Variants in CABIN1 observed in about 807,000 individuals in gnomAD.
The protein encoded by CABIN1 is calcineurin binding protein 1, also known as calcineurin-binding protein cabin-1.
A neutral mutation model predicts 227.7 loss-of-function variants in CABIN1; 133 were observed. That is an observed-to-expected ratio of 0.58 (90% confidence interval 0.51 to 0.67). The LOEUF (loss-of-function observed/expected upper bound fraction) is 0.67. CABIN1 is among the 30% of genes least tolerant of loss of function. The probability of loss-of-function intolerance (pLI) is 0.00; values close to 1 mark genes in which losing one functional copy is unlikely to be tolerated. For missense variants in CABIN1, 2,408 were observed against 2,852.5 expected, an observed-to-expected ratio of 0.84 and a Z score of 3.55; for synonymous variants, 1,086 against 1,155.1, an observed-to-expected ratio of 0.94 and a Z score of 1.21.
At chr22:24,118,132 T>C (rs2043190658) in intron 27 of CABIN1, among the ~76,000 whole-genome samples, 1 of 152,062 alleles carries the variant, frequency 6.6e-6, no homozygotes, top group Non-Finnish European at 1.5e-5. Context: ...ATGGCTTTTC[T>C]TTGCCAACAC....
chr22:24,170,753 C>CT (rs1556005486), intron 33 of CABIN1, among the ~76,000 whole-genome samples: 3 of 83,518 alleles, frequency 3.6e-5, no homozygotes, highest in African/African-American at 1.3e-4. Flanking sequence ...TAGCAAACTG[C>CT]CCCCCCCCCC....
Position 24,116,497 on chromosome 22 carries a change from G to A in CABIN1, c.4300+2749G>A, listed in dbSNP as rs78042201. ...GTCGGTGGGGGGAGGCCACCCTGGG[G>A]GCAGTTGACCTGCCAATGCCCAGCT... On this transcript the variant is annotated intron_variant, in intron 27 of 36. Coordinates refer to ENST00000263119, the MANE Select transcript of CABIN1 (RefSeq NM_012295.4). Among the ~76,000 whole-genome samples the A allele has an allele frequency of 9.9e-3, 1,508 of 152,298 alleles. 21 individuals are homozygous for A. Among genetic ancestry groups the A allele is most frequent in the Middle Eastern group, 0.024 (7 of 294 alleles).
Position 24,070,795 on chromosome 22 carries a change from AC to A in CABIN1, c.2233-4del, listed in dbSNP as rs775909720. On this transcript the variant is annotated splice_region_variant and splice_polypyrimidine_tract_variant and intron_variant, in intron 16 of 36. Transcript: ENST00000263119. ...TGCACTTCACCTGGCTTCTTGCTGT[AC>A]TAGGACTCCTTGCTCCGGCTGAAGG... The A allele has an allele frequency of 8.7e-6, 14 of 1,614,004 alleles. No individual in the cohort carries two copies. Among genetic ancestry groups the A allele is most frequent in the Non-Finnish European group, 1.0e-5 (12 of 1,180,018 alleles).
At chr22:24,124,522 C>G (rs2043601764) in intron 28 of CABIN1, among the ~76,000 whole-genome samples, 1 of 152,226 alleles carries the variant, frequency 6.6e-6, no homozygotes, top group Admixed American at 6.5e-5. Context: ...ACTGTGCACA[C>G]CTTAGATGGG....
At chr22:24,047,144 A>G (rs2037951118) in intron 6 of CABIN1, among the ~76,000 whole-genome samples, 1 of 152,246 alleles carries the variant, frequency 6.6e-6, no homozygotes, top group Admixed American at 6.5e-5. Flanking sequence ...CCAGTCAAAT[A>G]GACACATACA....
intron 1 of CABIN1, among the ~76,000 whole-genome samples, chr22:24,024,685 C>T (rs560717676): frequency 6.6e-6 from 1 of 152,208 alleles, no homozygotes; most frequent in South Asian, 2.1e-4. Context: ...CCCATATGTC[C>T]GTATGTCTCT....
At chr22:24,131,980 C>A (rs2044102347) in intron 28 of CABIN1, among the ~76,000 whole-genome samples, 1 of 151,578 alleles carries the variant, frequency 6.6e-6, no homozygotes, top group African/African-American at 2.4e-5. Flanking sequence ...GCAGGAGAAT[C>A]ACTTGAATCA....
chr22:24,048,466 G>A (rs2038067679), intron 6 of CABIN1, among the ~76,000 whole-genome samples: 1 of 152,250 alleles, frequency 6.6e-6, no homozygotes, highest in Middle Eastern at 3.4e-3. Context: ...TATTGCCCAG[G>A]CTAGAGTACG....
intron 35 of CABIN1, among the ~76,000 whole-genome samples, chr22:24,176,564 C>A (rs1344786137): frequency 2.0e-5 from 3 of 152,134 alleles, no homozygotes; most frequent in Non-Finnish European, 4.4e-5. Flanking sequence ...GGGCAGGCGG[C>A]CTGCTTGGGC....
chr22:24,028,487 CAAAG>C (rs1387650197), intron 1 of CABIN1, among the ~76,000 whole-genome samples: 1 of 152,214 alleles, frequency 6.6e-6, no homozygotes, highest in African/African-American at 2.4e-5. Flanking sequence ...CCCTGTCCTT[CAAAG>C]GTCATCCTGT....
intron 28 of CABIN1, among the ~76,000 whole-genome samples, chr22:24,127,070 T>C (rs999985688): frequency 1.8e-4 from 27 of 151,184 alleles, no homozygotes; most frequent in African/African-American, 3.2e-4. Flanking sequence ...ACAGGCTCCA[T>C]GTGGCCTGAG....
chr22:24,094,222 G>T (rs1199601331), intron 24 of CABIN1, among the ~76,000 whole-genome samples: 1 of 152,204 alleles, frequency 6.6e-6, no homozygotes, highest in Non-Finnish European at 1.5e-5. Flanking sequence ...CTGAACCTAC[G>T]TGTGGCCCTC....
intron 26 of CABIN1, among the ~76,000 whole-genome samples, chr22:24,100,237 G>T (rs1223172092): frequency 6.6e-6 from 1 of 152,216 alleles, no homozygotes; most frequent in Non-Finnish European, 1.5e-5. Context: ...CCCTGCACTG[G>T]CCACCTGTGT....
At position 24,177,019 on chromosome 22, in the gene CABIN1, C is replaced by T. The variant is rs771864601; in HGVS notation, c.6206-485C>T. Among the ~76,000 whole-genome samples the T allele has an allele frequency of 6.6e-6, 1 of 152,246 alleles. No individual in the cohort carries two copies. Among genetic ancestry groups the T allele is most frequent in the East Asian group, 1.9e-4 (1 of 5,200 alleles). On this transcript the variant is annotated intron_variant, in intron 35 of 36. Coordinates refer to ENST00000263119, the MANE Select transcript of CABIN1 (RefSeq NM_012295.4). The surrounding 1 kb of genome is among the most constrained non-coding windows in gnomAD (Gnocchi z 4.4). ...CTGCAACTGGCCCAGCCTTCAGGCT[C>T]TGGGCAAACTCAGCCCCTTGCTCCC...
chr22:24,144,087 G>C (rs1323769835), intron 29 of CABIN1, among the ~76,000 whole-genome samples: 1 of 152,210 alleles, frequency 6.6e-6, no homozygotes, highest in Non-Finnish European at 1.5e-5. Flanking sequence ...GTGTCCCTTT[G>C]AACAAGGTGC....
At chr22:24,070,065 CA>C (rs66725021) in intron 16 of CABIN1, among the ~76,000 whole-genome samples, 1,814 of 115,022 alleles carry the variant, frequency 0.016, 13 homozygotes, top group Non-Finnish European at 0.019. Flanking sequence ...TATTCTAGGC[CA>C]AAAAAAAAAA....
rs149769745 is a variant in CABIN1, at chr22:24,134,317, C to T, written c.4648C>T (p.Arg1550Cys). The change falls in exon 29 of 37, where the codon CGC (arginine) becomes TGC (cysteine). Residue 1550 changes from arginine to cysteine, a missense_variant. By Grantham distance (180) the Arg-to-Cys change is radical. Transcript: ENST00000263119. ...GTTTCCCCAGAACCTCCAGTGGGCC[C>T]GCGACGTGTTGCTAGGCAGCAGTAT... ...SKTHRNLQWA[R>C]DVLLGSSIPW... 7.4e-6 allele frequency: 12 copies of T among 1,613,854 alleles called. No individual in the cohort carries two copies. The highest frequency in any genetic ancestry group is 6.6e-5 in the South Asian group (6 of 91,036).
chr22:24,121,643 G>A lies in CABIN1; in HGVS notation c.4632+1945G>A, dbSNP rs143355970. On this transcript the variant is annotated intron_variant, in intron 28 of 36. Transcript: ENST00000263119. The stretch of plus-strand genomic sequence containing the variant: ...CTGAAGCCGTCTTTGGGCCTGAGGG[G>A]CAATGGCTGATATGAACTCTGTTGG... 2.6e-5 allele frequency among the ~76,000 whole-genome samples: 4 copies of A among 152,342 alleles called. No homozygotes were observed. The East Asian group carries it at 7.7e-4, about 29-fold the overall frequency.
At chr22:24,092,498 A>G (rs1225742374) in intron 24 of CABIN1, among the ~76,000 whole-genome samples, 1 of 152,172 alleles carries the variant, frequency 6.6e-6, no homozygotes, top group Non-Finnish European at 1.5e-5. Flanking sequence ...GTAGAGATCC[A>G]GATGTCCACC....
Sources: gnomAD v4.1 joint callset for allele counts (sites outside exome capture counted in the v4.1 genomes callset) on GRCh38, gnomAD v4.1.1 for gene constraint, Gnocchi (gnomAD v3.1) non-coding constraint, MANE v1.5 for transcripts, NCBI Gene and HGNC (gene_info 2026-07-23, HGNC 2026-07-21) for gene names.